PAPSS1: variants seen among roughly 807,000 people sequenced by gnomAD.
The protein encoded by PAPSS1 is bifunctional 3'-phosphoadenosine 5'-phosphosulfate synthase 1.
PAPSS1 carries 50 observed loss-of-function variants against 72.0 expected under a neutral mutation model. That is an observed-to-expected ratio of 0.69 (90% CI 0.55 to 0.88). PAPSS1 has a LOEUF of 0.88. Ranked by LOEUF, PAPSS1 falls within the 40% of genes least tolerant of loss-of-function variation. The pLI, the probability that PAPSS1 is intolerant of heterozygous loss-of-function variation, is 0.00. For synonymous variants in PAPSS1, 261 were observed against 263.6 expected (o/e 0.99, Z 0.09); for missense variants, 657 against 782.2 (o/e 0.84, Z 1.91).
In PAPSS1 at chr4:107,627,814, G is replaced by A. The variant is rs150653875; in HGVS notation, c.1736+3817C>T. ...ATCCTTTTATAACTCTCAGCACACC[G>A]CTTTTACAGTTGCACTTTTTAGACA... On this transcript the variant is annotated intron_variant, in intron 11 of 11. Transcript: ENST00000265174. Among the ~76,000 whole-genome samples the A allele has an allele frequency of 9.2e-5, 14 of 152,116 alleles. No homozygotes were observed. The East Asian group carries it at 9.7e-4, about 11-fold the overall frequency.
At chr4:107,644,725 A>ATCGGATGGTGTCATCCGATGGTGTC (rs1726645973) in intron 10 of PAPSS1, 77 bp downstream of exon 10, 1 of 1,393,978 alleles carries the variant, frequency 7.2e-7, no homozygotes, top group African/African-American at 1.4e-5. Context: ...CAGAAAAAGC[A>ATCGGATGGTGTCATCCGATGGTGTC]ATCGGATGGT....
chr4:107,699,962 A>G (rs1723166312), intron 2 of PAPSS1, among the ~76,000 whole-genome samples: 1 of 152,198 alleles, frequency 6.6e-6, no homozygotes, highest in Non-Finnish European at 1.5e-5. Flanking sequence ...ATGAGTGAAC[A>G]TGTCATAGTA....
intron 2 of PAPSS1, among the ~76,000 whole-genome samples, chr4:107,699,650 G>A (rs1388520482): frequency 6.6e-6 from 1 of 151,986 alleles, no homozygotes. Context: ...ATTTTTACAG[G>A]GAAATAAGTA....
At chr4:107,694,044 GT>G in intron 2 of PAPSS1, 38 bp from the exon 3 acceptor site, 1 of 1,405,532 alleles carries the variant, frequency 7.1e-7, no homozygotes, top group Non-Finnish European at 1.0e-6. Flanking sequence ...CATGTGTAAA[GT>G]TAGAAGGATA....
At chr4:107,697,746 C>T (rs1459674572) in intron 2 of PAPSS1, among the ~76,000 whole-genome samples, 3 of 152,164 alleles carry the variant, frequency 2.0e-5, no homozygotes, top group African/African-American at 7.2e-5. Flanking sequence ...TAGAAACCAG[C>T]TCTACTGGGT....
intron 9 of PAPSS1, among the ~76,000 whole-genome samples, chr4:107,648,038 C>A (rs1197121833): frequency 6.6e-6 from 1 of 152,150 alleles, no homozygotes; most frequent in Non-Finnish European, 1.5e-5. Context: ...TTGGGTCTGG[C>A]CCCCAAAGCC....
chr4:107,653,476 A>G lies in PAPSS1; in HGVS notation c.1237+15T>C, dbSNP rs1275302368. ...CCAAGCCGGCCTATATTAGGTAATT[A>G]AATCCATGTCTTACCAGCATTCATA... On this transcript the variant is annotated intron_variant, in intron 9 of 11. Transcript: ENST00000265174. 6.2e-7 allele frequency: 1 copy of G among 1,605,768 alleles called. No individual in the cohort carries two copies. Among genetic ancestry groups the G allele is most frequent in the East Asian group, 2.2e-5 (1 of 44,674 alleles).
intron 5 of PAPSS1, among the ~76,000 whole-genome samples, chr4:107,662,429 A>G (rs1727205711): frequency 6.6e-6 from 1 of 152,326 alleles, no homozygotes; most frequent in South Asian, 2.1e-4. Context: ...GAAGGAAGAA[A>G]GCTCCACCAG....
In PAPSS1 at chr4:107,615,609, C is replaced by T. The variant is rs149526710; in HGVS notation, c.1737-1222G>A. Among the ~76,000 whole-genome samples, 797 of 151,996 alleles carry T rather than the reference C, an allele frequency of 5.2e-3. 9 individuals carry two copies. Among genetic ancestry groups the T allele is most frequent in the African/African-American group, 0.018 (747 of 41,430 alleles). ...AAAATACTATAAATAACCTAAAGGCCGAAAGATCCTAAATAAGTTACAGTA... is the reference window on the plus strand; with the variant it reads ...AAAATACTATAAATAACCTAAAGGCTGAAAGATCCTAAATAAGTTACAGTA... On this transcript the variant is annotated intron_variant, in intron 11 of 11. Transcript: ENST00000265174.
At chr4:107,631,913 G>T in intron 10 of PAPSS1, 53 bp from the exon 11 acceptor site, 1 of 1,106,802 alleles carries the variant, frequency 9.0e-7, no homozygotes, top group Non-Finnish European at 1.3e-6. Flanking sequence ...TATGTACTTA[G>T]AAATAGTAAG....
At chr4:107,717,183 T>C (rs936809680) in intron 1 of PAPSS1, among the ~76,000 whole-genome samples, 9 of 152,246 alleles carry the variant, frequency 5.9e-5, no homozygotes, top group African/African-American at 2.2e-4. Flanking sequence ...ATTTGGGATA[T>C]AGTAGGTTAA....
intron 9 of PAPSS1, among the ~76,000 whole-genome samples, chr4:107,645,655 A>G (rs866135570): frequency 1.3e-5 from 2 of 152,228 alleles, no homozygotes; most frequent in Admixed American, 6.5e-5. Context: ...CCTTAAAACA[A>G]TGAAAACTGC....
intron 5 of PAPSS1, among the ~76,000 whole-genome samples, chr4:107,662,872 A>G (rs1323639909): frequency 6.6e-6 from 1 of 152,176 alleles, no homozygotes; most frequent in African/African-American, 2.4e-5. Context: ...TACTTCATCA[A>G]GTAGAAAATA....
chr4:107,716,527 G>A (rs968493353), intron 1 of PAPSS1, among the ~76,000 whole-genome samples: 1 of 152,182 alleles, frequency 6.6e-6, no homozygotes, highest in African/African-American at 2.4e-5. Context: ...CTGTAAGGCA[G>A]GTCCAACAGG....
At chr4:107,699,756 T>C (rs887104272) in intron 2 of PAPSS1, among the ~76,000 whole-genome samples, 5 of 152,096 alleles carry the variant, frequency 3.3e-5, no homozygotes, top group African/African-American at 9.7e-5. Flanking sequence ...CAGAAGACAA[T>C]AGAGTACTGT....
chr4:107,706,792 A>G (rs1283596027), intron 1 of PAPSS1, among the ~76,000 whole-genome samples: 1 of 152,214 alleles, frequency 6.6e-6, no homozygotes, highest in Non-Finnish European at 1.5e-5. Context: ...CAGCCTGTCC[A>G]ATCTGGGAAG....
Position 107,657,146 on chromosome 4 carries a change from A to G in PAPSS1, c.784-139T>C, listed in dbSNP as rs1403521285. 5.0e-6 allele frequency: 3 copies of G among 597,886 alleles called. No homozygotes were observed. In the African/African-American group the frequency reaches 5.6e-5, roughly 11 times the overall value. The allele number at this position is 597,886 out of a possible 1,614,324, so 37.0% of individuals were successfully genotyped here. A position where few individuals can be genotyped will look rare whatever the true frequency, so the allele number is the denominator to read the frequency against. ...TGAGTATAGATTATACCAAACTAACAAAGAATAAGGGCACTAGGAAAATAT... is the reference window on the plus strand; with the variant it reads ...TGAGTATAGATTATACCAAACTAACGAAGAATAAGGGCACTAGGAAAATAT... On this transcript the variant is annotated intron_variant, in intron 6 of 11. Coordinates refer to ENST00000265174, the MANE Select transcript of PAPSS1 (RefSeq NM_005443.5).
chr4:107,673,152 A>G (rs184612410), intron 5 of PAPSS1, among the ~76,000 whole-genome samples: 1,647 of 152,234 alleles, frequency 0.011, 32 homozygotes, highest in African/African-American at 0.036. Flanking sequence ...AAATCAGAGC[A>G]CCTCTCCTCC....
At chr4:107,684,283 T>C (rs762940900) in intron 4 of PAPSS1, among the ~76,000 whole-genome samples, 45 of 152,270 alleles carry the variant, frequency 3.0e-4, no homozygotes, top group South Asian at 6.2e-4. Flanking sequence ...AAACCACAAA[T>C]TTTCATCAGA....
Sources: gnomAD v4.1 joint callset for allele counts (sites outside exome capture counted in the v4.1 genomes callset) on GRCh38, gnomAD v4.1.1 for gene constraint, MANE v1.5 for transcripts, NCBI Gene and HGNC (gene_info 2026-07-23, HGNC 2026-07-21) for gene names.